The following POU2AF1 variants were observed in gnomAD, a reference collection of about 807,000 sequenced individuals.
The protein encoded by POU2AF1 is POU class 2 homeobox associating factor 1.
In POU2AF1, 12 loss-of-function variants were observed where a neutral mutation model predicts 26.3. The observed-to-expected ratio is 0.46, with a 90% CI of 0.29 to 0.74. POU2AF1 has a LOEUF of 0.74. POU2AF1 is among the 30% of genes least tolerant of loss of function. The pLI is 0.09. For synonymous variants in POU2AF1, 175 were observed against 148.0 expected (o/e 1.18, Z -1.32); for missense variants, 297 against 334.5 (o/e 0.89, Z 0.87).
At chr11:111,374,695 A>G (rs1037006498) in intron 1 of POU2AF1, among the ~76,000 whole-genome samples, 6 of 152,184 alleles carry the variant, frequency 3.9e-5, no homozygotes, top group African/African-American at 7.2e-5. Flanking sequence ...ACTCTATCTC[A>G]AAAAAAGAAC....
At chr11:111,356,930 T>A (rs1860857091) in intron 4 of POU2AF1, among the ~76,000 whole-genome samples, 1 of 152,178 alleles carries the variant, frequency 6.6e-6, no homozygotes, top group Admixed American at 6.5e-5. Context: ...AACAAGGCAA[T>A]CTGACAGTAG....
At chr11:111,370,022 T>C (rs1003784119) in intron 1 of POU2AF1, among the ~76,000 whole-genome samples, 1 of 152,202 alleles carries the variant, frequency 6.6e-6, no homozygotes, top group African/African-American at 2.4e-5. Flanking sequence ...AAGGACCACT[T>C]TCTTGGAGAA....
chr11:111,362,234 G>A (rs552867006), intron 1 of POU2AF1, among the ~76,000 whole-genome samples: 1 of 152,142 alleles, frequency 6.6e-6, no homozygotes, highest in East Asian at 1.9e-4. Flanking sequence ...TTTGGATACG[G>A]GCATGCAATG....
chr11:111,353,433 G>A lies in POU2AF1; in HGVS notation c.*828C>T, dbSNP rs1860775042. On this transcript the variant is annotated 3_prime_UTR_variant, in exon 5 of 5. Coordinates refer to ENST00000393067, the MANE Select transcript of POU2AF1 (RefSeq NM_006235.3). Reference sequence around the variant, plus strand: ...CTCCTCTGTCCCTCTCTTCGTCACTGGCCTGTCCCCACCCACCCTGATGTT... The same window carrying A: ...CTCCTCTGTCCCTCTCTTCGTCACTAGCCTGTCCCCACCCACCCTGATGTT... 4.3e-6 allele frequency: 1 copy of A among 233,754 alleles called. No homozygotes were observed. The allele number at this position is 233,754 out of a possible 1,614,324, so 14.5% of individuals were successfully genotyped here. A position where few individuals can be genotyped will look rare whatever the true frequency, so the allele number is the denominator to read the frequency against.
rs1386828462 is a variant in POU2AF1 at position 111,367,440 on chromosome 11, G to A, written c.17-8522C>T. On this transcript the variant is annotated intron_variant, in intron 1 of 4. Transcript: ENST00000393067. ...TCCTCTTCCGCTCCCTTCCTTTACC[G>A]AGAAGGAAATTGATGCTCAGAGATA... 6.6e-5 allele frequency among the ~76,000 whole-genome samples: 10 copies of A among 152,036 alleles called. No homozygotes were observed. The East Asian group carries it at 9.6e-4, about 15-fold the overall frequency.
intron 4 of POU2AF1, among the ~76,000 whole-genome samples, chr11:111,355,280 A>AC (rs1038504065): frequency 6.6e-6 from 1 of 151,646 alleles, no homozygotes; most frequent in African/African-American, 2.4e-5. Context: ...ACTTATGGGC[A>AC]CCCCCCATGA....
chr11:111,372,045 C>CAGAGAG (rs1389144842), intron 1 of POU2AF1, among the ~76,000 whole-genome samples: 1 of 127,574 alleles, frequency 7.8e-6, no homozygotes, highest in Non-Finnish European at 1.7e-5. Flanking sequence ...CACACACACA[C>CAGAGAG]ACACACACAC....
chr11:111,362,531 T>C (rs1404628550), intron 1 of POU2AF1, among the ~76,000 whole-genome samples: 5 of 152,210 alleles, frequency 3.3e-5, no homozygotes, highest in Admixed American at 6.5e-5. Flanking sequence ...TTGTGTGAAT[T>C]TGTAGTTCCC....
Sources: allele counts gnomAD v4.1 joint callset (sites outside exome capture counted in the v4.1 genomes callset), GRCh38; gene constraint gnomAD v4.1.1; transcripts MANE v1.5; gene names NCBI Gene and HGNC (gene_info 2026-07-23, HGNC 2026-07-21).